KCNH8: variants seen among roughly 807,000 people sequenced by gnomAD.
The protein encoded by KCNH8 is voltage-gated delayed rectifier potassium channel KCNH8.
A neutral mutation model predicts 103.6 loss-of-function variants in KCNH8; 70 were observed. The ratio of observed to expected loss-of-function variants is 0.68; its 90% CI spans 0.56 to 0.82. The LOEUF is 0.82. Among genes scored for constraint, KCNH8 ranks in the 40% least tolerant of loss-of-function variants. The pLI, the probability that KCNH8 is intolerant of heterozygous loss-of-function variation, is 0.00. For missense variants in KCNH8, 1,217 were observed against 1,329.9 expected, an observed-to-expected ratio of 0.92 and a Z score of 1.32; for synonymous variants, 498 against 489.4, an observed-to-expected ratio of 1.02 and a Z score of -0.23.
intron 1 of KCNH8, among the ~76,000 whole-genome samples, chr3:19,194,570 A>T (rs113332604): frequency 6.6e-6 from 1 of 151,812 alleles, no homozygotes; most frequent in African/African-American, 2.4e-5. Context: ...TAGGGTGCAC[A>T]AGTTAATTGG....
Position 19,148,613 on chromosome 3 carries a change from C to T in KCNH8, c.-107C>T. ...CTCGGCCCCGCCGTCAGGCCGGGTC[C>T]CCCTTCCCTGCCGTCATCAGGTTCC... is the stretch of plus-strand genomic sequence containing the variant. On this transcript the variant is annotated 5_prime_UTR_variant, in exon 1 of 16. Transcript: ENST00000328405. The T allele has an allele frequency of 1.0e-5, 11 of 1,079,070 alleles. No individual in the cohort carries two copies. Among genetic ancestry groups the T allele is most frequent in the Admixed American group, 1.7e-5 (1 of 58,560 alleles). 66.8% of individuals were successfully genotyped at this position (1,079,070 alleles called of 1,614,324 possible).
intron 11 of KCNH8, among the ~76,000 whole-genome samples, chr3:19,499,441 A>G (rs1366423278): frequency 7.2e-5 from 11 of 152,236 alleles, no homozygotes; most frequent in South Asian, 2.1e-4. Context: ...TACAGAGAAC[A>G]CCACAAAGAT....
At chr3:19,495,852 G>C (rs1428717673) in intron 11 of KCNH8, among the ~76,000 whole-genome samples, 1 of 152,002 alleles carries the variant, frequency 6.6e-6, no homozygotes, top group Non-Finnish European at 1.5e-5. Context: ...TTTTCCATGT[G>C]TTTGTGTCAT....
At chr3:19,438,445 A>G (rs1472269828) in intron 8 of KCNH8, 84 bp downstream of exon 8, 2 of 1,105,386 alleles carry the variant, frequency 1.8e-6, no homozygotes, top group Non-Finnish European at 2.6e-6. Context: ...CCTGAAATAC[A>G]AAACAGATAA....
At chr3:19,397,520 C>T (rs965274275) in intron 7 of KCNH8, among the ~76,000 whole-genome samples, 25 of 148,612 alleles carry the variant, frequency 1.7e-4, no homozygotes, top group East Asian at 6.1e-4. Context: ...CATATATATA[C>T]GTGTGTATAT....
chr3:19,282,039 T>G (rs1184452826), intron 3 of KCNH8, among the ~76,000 whole-genome samples: 1 of 152,142 alleles, frequency 6.6e-6, no homozygotes, highest in Admixed American at 6.6e-5. Flanking sequence ...GAAAAAGCAA[T>G]TATCCTTTGT....
chr3:19,530,640 T>C (rs1476448215), intron 15 of KCNH8, among the ~76,000 whole-genome samples: 1 of 152,218 alleles, frequency 6.6e-6, no homozygotes, highest in South Asian at 2.1e-4. Context: ...CCTACATTTT[T>C]AGAGATGACG....
Position 19,224,987 on chromosome 3 carries a change from G to T in KCNH8, c.77-28667G>T, listed in dbSNP as rs552406096. Reference sequence around the variant, plus strand: ...AGTTGAAGGAGAGGAAAGAAAAACAGAGGCAACCGTGATGAAGACTGAGAA... The same window carrying T: ...AGTTGAAGGAGAGGAAAGAAAAACATAGGCAACCGTGATGAAGACTGAGAA... On this transcript the variant is annotated intron_variant, in intron 1 of 15. Transcript: ENST00000328405. Among the ~76,000 whole-genome samples, 14 of 152,188 alleles carry T rather than the reference G, an allele frequency of 9.2e-5. No individual in the cohort carries two copies. The South Asian group carries it at 2.9e-3, about 32-fold the overall frequency.
chr3:19,313,783 A>G (rs183602980), intron 3 of KCNH8, among the ~76,000 whole-genome samples: 1 of 152,064 alleles, frequency 6.6e-6, no homozygotes, highest in Non-Finnish European at 1.5e-5. Context: ...AGATGATCAT[A>G]CAAAGTACCA....
At chr3:19,248,913 A>G (rs1435254773) in intron 1 of KCNH8, among the ~76,000 whole-genome samples, 3 of 152,208 alleles carry the variant, frequency 2.0e-5, no homozygotes, top group African/African-American at 7.2e-5. Context: ...GTGTTTACCA[A>G]TCATGAGATT....
intron 1 of KCNH8, among the ~76,000 whole-genome samples, chr3:19,164,684 A>G (rs1199918445): frequency 6.6e-6 from 1 of 152,210 alleles, no homozygotes; most frequent in Non-Finnish European, 1.5e-5. Flanking sequence ...ACTGTGAGAT[A>G]CTTACAAGCT....
chr3:19,157,661 G>T (rs1228161093), intron 1 of KCNH8, among the ~76,000 whole-genome samples: 5 of 151,948 alleles, frequency 3.3e-5, no homozygotes, highest in Admixed American at 1.3e-4. Context: ...CAAATTAATG[G>T]ATGAAAAGTG....
At chr3:19,512,833 C>G in intron 12 of KCNH8, 137 bp from the exon 13 acceptor site, 1 of 742,286 alleles carries the variant, frequency 1.3e-6, no homozygotes, top group Non-Finnish European at 2.2e-6. Flanking sequence ...ATAACAAAAT[C>G]TGCAAAGACT....
chr3:19,252,145 C>T (rs2064286876), intron 1 of KCNH8, among the ~76,000 whole-genome samples: 1 of 152,048 alleles, frequency 6.6e-6, no homozygotes, highest in Non-Finnish European at 1.5e-5. Flanking sequence ...TTTTTGAATG[C>T]CTTATCTTAA....
intron 1 of KCNH8, among the ~76,000 whole-genome samples, chr3:19,224,878 G>A (rs753219690): frequency 2.6e-5 from 4 of 152,138 alleles, no homozygotes; most frequent in African/African-American, 7.2e-5. Context: ...CCTCCAGCAT[G>A]TAGGGGCTTG....
intron 3 of KCNH8, among the ~76,000 whole-genome samples, chr3:19,312,963 T>A (rs1020704973): frequency 6.6e-6 from 1 of 151,960 alleles, no homozygotes; most frequent in Admixed American, 6.6e-5. Context: ...CAGAATTGGA[T>A]AAGTTCTAGT....
intron 7 of KCNH8, among the ~76,000 whole-genome samples, chr3:19,429,122 T>C (rs2067075488): frequency 6.6e-6 from 1 of 151,146 alleles, no homozygotes; most frequent in African/African-American, 2.4e-5. Flanking sequence ...GAAACAAAGT[T>C]ACTTATATGT....
At chr3:19,364,591 GA>G (rs2065987406) in intron 5 of KCNH8, among the ~76,000 whole-genome samples, 2 of 152,038 alleles carry the variant, frequency 1.3e-5, no homozygotes, top group Admixed American at 1.3e-4. Context: ...ACAAAAAACA[GA>G]AAACTACACT....
chr3:19,208,357 T>G (rs2063737216), intron 1 of KCNH8, among the ~76,000 whole-genome samples: 1 of 152,060 alleles, frequency 6.6e-6, no homozygotes, highest in African/African-American at 2.4e-5. Flanking sequence ...ATCTTCAATA[T>G]ATGATAAAAT....
Sources: allele counts gnomAD v4.1 joint callset (sites outside exome capture counted in the v4.1 genomes callset), GRCh38; gene constraint gnomAD v4.1.1; transcripts MANE v1.5; gene names NCBI Gene and HGNC (gene_info 2026-07-23, HGNC 2026-07-21).